ARK2N: variants seen among roughly 807,000 people sequenced by gnomAD.
ARK2N encodes protein ARK2N.
chr18:46,179,872 G>A, the ARK2N span, among the ~76,000 whole-genome samples: 3 of 152,016 alleles, frequency 2.0e-5, no homozygotes, highest in East Asian at 3.9e-4. Flanking sequence ...TAATCTGCCC[G>A]CCTTGGCCTC....
the ARK2N span, among the ~76,000 whole-genome samples, chr18:46,190,960 T>C: frequency 6.6e-6 from 1 of 152,210 alleles, no homozygotes; most frequent in Admixed American, 6.5e-5. Flanking sequence ...TGAGATTTAA[T>C]AGATTCATTT....
the ARK2N span, among the ~76,000 whole-genome samples, chr18:46,181,499 G>A: frequency 6.6e-6 from 1 of 151,940 alleles, no homozygotes; most frequent in African/African-American, 2.4e-5. Context: ...CGGATCATGA[G>A]GTCAGGAGAT....
At chr18:46,225,078 G>T in the ARK2N span, among the ~76,000 whole-genome samples, 1 of 152,230 alleles carries the variant, frequency 6.6e-6, no homozygotes. Context: ...AGACAGAGAA[G>T]TTCCACGTGT....
At chr18:46,183,020 A>C in the ARK2N span, among the ~76,000 whole-genome samples, 1 of 151,644 alleles carries the variant, frequency 6.6e-6, no homozygotes, top group Non-Finnish European at 1.5e-5. Flanking sequence ...ACTTTTTAGC[A>C]CTCCAGTTTC....
the ARK2N span, among the ~76,000 whole-genome samples, chr18:46,179,622 T>C: frequency 6.6e-6 from 1 of 150,558 alleles, no homozygotes; most frequent in African/African-American, 2.5e-5. Flanking sequence ...TTTTTAAAGT[T>C]ATCTTTTTTT....
the ARK2N span, among the ~76,000 whole-genome samples, chr18:46,261,989 G>C: frequency 1.3e-5 from 2 of 152,204 alleles, no homozygotes; most frequent in Non-Finnish European, 2.9e-5. Flanking sequence ...TTGTCAAACA[G>C]CTGCTCAGGA....
the ARK2N span, among the ~76,000 whole-genome samples, chr18:46,244,622 T>TTTTTTTTTTTA: frequency 6.7e-6 from 1 of 149,162 alleles, no homozygotes; most frequent in African/African-American, 2.5e-5. Context: ...TTTTTTTTTT[T>TTTTTTTTTTTA]AAGAGGGAGT....
chr18:46,204,994 A>G, the ARK2N span, among the ~76,000 whole-genome samples: 1 of 147,764 alleles, frequency 6.8e-6, no homozygotes, highest in East Asian at 2.0e-4. Flanking sequence ...CCCAGGCTGG[A>G]GTGCAGTGGT....
chr18:46,226,648 T>C, the ARK2N span, among the ~76,000 whole-genome samples: 1 of 152,186 alleles, frequency 6.6e-6, no homozygotes, highest in Admixed American at 6.6e-5. Context: ...GATGTTTTTA[T>C]GTGCAGCCTG....
chr18:46,251,698 T>C, the ARK2N span, among the ~76,000 whole-genome samples: 1 of 152,246 alleles, frequency 6.6e-6, no homozygotes, highest in Non-Finnish European at 1.5e-5. Context: ...ATACTTTATA[T>C]GTTAGTATAC....
the ARK2N span, among the ~76,000 whole-genome samples, chr18:46,247,279 T>C: frequency 1.4e-4 from 22 of 152,272 alleles, no homozygotes; most frequent in South Asian, 2.7e-3. Context: ...AATAAGGCTA[T>C]TGGAGGTAGT....
chr18:46,202,801 T>TAA, the ARK2N span, among the ~76,000 whole-genome samples: 1 of 100,258 alleles, frequency 1.0e-5, no homozygotes, highest in Non-Finnish European at 2.1e-5. Context: ...AAAATAAAAA[T>TAA]TAAAAAAAAA....
At chr18:46,260,675 G>T in the ARK2N span, among the ~76,000 whole-genome samples, 1 of 152,194 alleles carries the variant, frequency 6.6e-6, no homozygotes, top group East Asian at 1.9e-4. Context: ...TCCTATGCCA[G>T]ACACTTTCTA....
At chr18:46,178,278 A>C in the ARK2N span, among the ~76,000 whole-genome samples, 1 of 152,178 alleles carries the variant, frequency 6.6e-6, no homozygotes, top group Admixed American at 6.5e-5. Context: ...TTCCAGGTAG[A>C]ATGTGAAGAA....
At chr18:46,179,214 A>G in the ARK2N span, among the ~76,000 whole-genome samples, 2 of 152,124 alleles carry the variant, frequency 1.3e-5, no homozygotes, top group Non-Finnish European at 2.9e-5. Context: ...AAGTGCTAGG[A>G]TTACAGAGGT....
At chr18:46,260,960 TTACTTAGTGAGCAATACAGA>T in the ARK2N span, among the ~76,000 whole-genome samples, 17 of 152,318 alleles carry the variant, frequency 1.1e-4, no homozygotes, top group South Asian at 3.5e-3. Flanking sequence ...CATTGTATGA[TTACTTAGTGAGCAATACAGA>T]TAAACAATTG....
chr18:46,253,815 A>G, the ARK2N span: 1 of 1,610,506 alleles, frequency 6.2e-7, no homozygotes, highest in East Asian at 2.2e-5. Flanking sequence ...GAGTTCAGGA[A>G]CATGCAAGGT....
chr18:46,245,589 G>A, the ARK2N span, among the ~76,000 whole-genome samples: 2,608 of 139,124 alleles, frequency 0.019, 66 homozygotes, highest in African/African-American at 0.057. Context: ...AAAAAAAAAA[G>A]AAAGAAAAAA....
chr18:46,225,500 G>A, the ARK2N span, among the ~76,000 whole-genome samples: 2 of 151,902 alleles, frequency 1.3e-5, no homozygotes, highest in African/African-American at 2.4e-5. Context: ...GCTTTGTCGC[G>A]CAGGCTGGAG....
Sources: gnomAD v4.1 joint callset for allele counts (sites outside exome capture counted in the v4.1 genomes callset) on GRCh38, gnomAD v4.1.1 for gene constraint, MANE v1.5 for transcripts, NCBI Gene and HGNC (gene_info 2026-07-23, HGNC 2026-07-21) for gene names.